Variants in PHGDH observed in about 807,000 individuals in gnomAD.
The protein encoded by PHGDH is phosphoglycerate dehydrogenase, also known as D-3-phosphoglycerate dehydrogenase.
PHGDH carries 50 observed loss-of-function variants against 52.6 expected under a neutral mutation model. That is an observed-to-expected ratio of 0.95 (90% CI 0.76 to 1.20). PHGDH has a LOEUF of 1.20. Ranked by LOEUF, PHGDH falls within the 50% of genes most tolerant of loss-of-function variation. The pLI is 0.00. For synonymous variants in PHGDH, 271 were observed against 280.5 expected (o/e 0.97, Z 0.34); for missense variants, 630 against 684.6 (o/e 0.92, Z 0.89).
chr1:119,735,934 G>A (rs1651914255), intron 7 of PHGDH, among the ~76,000 whole-genome samples: 1 of 152,154 alleles, frequency 6.6e-6, no homozygotes, highest in Non-Finnish European at 1.5e-5. Flanking sequence ...AGGGTCCTCG[G>A]GGTGGGCTGC....
intron 8 of PHGDH, chr1:119,739,858 G>A (rs72988686): frequency 0.018 from 2,959 of 163,186 alleles, 94 homozygotes; most frequent in African/African-American, 0.065. Flanking sequence ...ATGCCTCACA[G>A]TGGACTTCGC....
In PHGDH at chr1:119,712,081, G is replaced by A; in HGVS notation, c.59G>A (p.Arg20Gln). The change falls in exon 1 of 12, where the codon CGG (arginine) becomes CAG (glutamine). Residue 20 changes from arginine (R) to glutamine (Q), a missense_variant. Physicochemically the swap from Arg to Gln is conservative, Grantham distance 43. Transcript: ENST00000641023. ...AGTGACAGCCTGGACCCTTGCTGCC[G>A]GAAGATCTTGCAAGATGGAGGGCTG... ...LISDSLDPCCRKILQDGGLQV... is the reference protein window; with the variant it reads ...LISDSLDPCCQKILQDGGLQV... The A allele has an allele frequency of 1.2e-6, 2 of 1,614,048 alleles. No individual in the cohort carries two copies. Among genetic ancestry groups the A allele is most frequent in the Non-Finnish European group, 1.7e-6 (2 of 1,179,918 alleles).
At chr1:119,715,610 G>A (rs1249768761) in intron 1 of PHGDH, among the ~76,000 whole-genome samples, 1 of 152,196 alleles carries the variant, frequency 6.6e-6, no homozygotes, top group Admixed American at 6.5e-5. Flanking sequence ...GGGAAAGGAA[G>A]CATGTGTGAA....
intron 8 of PHGDH, among the ~76,000 whole-genome samples, chr1:119,738,674 C>T (rs1012806714): frequency 6.6e-6 from 1 of 152,228 alleles, no homozygotes. Flanking sequence ...TCTGCCTTCC[C>T]CATCGCAGCC....
At chr1:119,716,193 T>A (rs1470111712) in intron 1 of PHGDH, among the ~76,000 whole-genome samples, 1 of 152,148 alleles carries the variant, frequency 6.6e-6, no homozygotes, top group Non-Finnish European at 1.5e-5. Context: ...CTGGTTCTAA[T>A]GTGGGACCAA....
Position 119,744,100 on chromosome 1 carries a change from T to C in PHGDH, c.*60T>C. 1 of 1,495,160 alleles carries C rather than the reference T, an allele frequency of 6.7e-7. No individual in the cohort carries two copies. The highest frequency in any genetic ancestry group is 9.3e-7 in the Non-Finnish European group (1 of 1,071,896). The allele number at this position is 1,495,160 out of a possible 1,614,324, so 92.6% of individuals were successfully genotyped here. ...TTCTGAAGAAACCCACCCACTGTGATCAATAGGGAGAGAAAATCCACATTC... is the reference window on the plus strand; with the variant it reads ...TTCTGAAGAAACCCACCCACTGTGACCAATAGGGAGAGAAAATCCACATTC... On this transcript the variant is annotated 3_prime_UTR_variant, in exon 12 of 12. Coordinates refer to ENST00000641023, the MANE Select transcript of PHGDH (RefSeq NM_006623.4).
chr1:119,731,274 C>T (rs1004952538), intron 5 of PHGDH, among the ~76,000 whole-genome samples: 3 of 152,198 alleles, frequency 2.0e-5, no homozygotes, highest in South Asian at 2.1e-4. Context: ...CAGGTCTTAA[C>T]GCTCTATACT....
chr1:119,733,346 T>G (rs1191607126), intron 5 of PHGDH, among the ~76,000 whole-genome samples: 2 of 112,548 alleles, frequency 1.8e-5, no homozygotes, highest in African/African-American at 7.8e-5. Flanking sequence ...TTTGTTTTAT[T>G]TTTTTTTTTT....
intron 7 of PHGDH, among the ~76,000 whole-genome samples, chr1:119,735,950 C>T (rs1264786447): frequency 2.0e-5 from 3 of 152,176 alleles, no homozygotes; most frequent in Non-Finnish European, 4.4e-5. Context: ...GCTGCTTTCC[C>T]AGCTGGAGCA....
In PHGDH at chr1:119,742,941, C is replaced by A. The variant is rs1390869782; in HGVS notation, c.1344C>A (p.Leu448=). ...VQGTTPVLQG[L]NGAVFRPEVP... ...GCACTACGCCTGTACTGCAGGGGCT[C>A]AATGGAGCTGTCTTCAGGCCAGAAG... Residue 448 remains leucine, a synonymous_variant, in exon 11 of 12, where the codon CTC becomes CTA. Transcript: ENST00000641023. The A allele has an allele frequency of 1.2e-5, 19 of 1,614,006 alleles. No individual in the cohort carries two copies. The highest frequency in any genetic ancestry group is 1.4e-5 in the Non-Finnish European group (17 of 1,179,810).
intron 5 of PHGDH, among the ~76,000 whole-genome samples, chr1:119,728,700 C>T (rs1459054956): frequency 6.6e-6 from 1 of 152,142 alleles, no homozygotes. Flanking sequence ...CAGGGCTTCC[C>T]AGATAGGCCA....
intron 1 of PHGDH, 110 bp downstream of exon 1, chr1:119,712,270 C>A: frequency 3.2e-6 from 3 of 940,690 alleles, no homozygotes; most frequent in Non-Finnish European, 5.1e-6. Context: ...TCAATTAGTT[C>A]CGGGGCCTCC....
intron 7 of PHGDH, 91 bp from the exon 8 acceptor site, chr1:119,737,023 C>A: frequency 7.8e-7 from 1 of 1,284,516 alleles, no homozygotes; most frequent in Non-Finnish European, 1.1e-6. Context: ...CTCCTGACTG[C>A]CTTCCCTCCA....
chr1:119,731,907 T>A (rs1443457462), intron 5 of PHGDH, among the ~76,000 whole-genome samples: 1 of 152,192 alleles, frequency 6.6e-6, no homozygotes, highest in East Asian at 1.9e-4. Flanking sequence ...GAGCAGTGAT[T>A]CTCAAACTCA....
rs1210602772 is a variant in PHGDH at position 119,727,285 on chromosome 1, A to C, written c.510+183A>C. 4.7e-6 allele frequency: 3 copies of C among 633,402 alleles called. No homozygotes were observed. In the African/African-American group the frequency reaches 5.4e-5, roughly 12 times the overall value. 39.2% of individuals were successfully genotyped at this position (633,402 alleles called of 1,614,324 possible). On this transcript the variant is annotated intron_variant, in intron 5 of 11. Coordinates refer to ENST00000641023, the MANE Select transcript of PHGDH (RefSeq NM_006623.4). ...CACTGGCCTGCTGATCTGGACTCAAAAGCTGGAAATACTTGGTGGGGGTCC... is the reference window on the plus strand; with the variant it reads ...CACTGGCCTGCTGATCTGGACTCAACAGCTGGAAATACTTGGTGGGGGTCC...
chr1:119,723,600 A>G, intron 3 of PHGDH, 159 bp downstream of exon 3: 1 of 696,576 alleles, frequency 1.4e-6, no homozygotes, highest in Non-Finnish European at 2.6e-6. Flanking sequence ...CTTTAAGGCC[A>G]TCAGGTCCTC....
intron 5 of PHGDH, among the ~76,000 whole-genome samples, chr1:119,727,852 CA>C (rs999617304): frequency 2.0e-5 from 3 of 151,974 alleles, no homozygotes; most frequent in African/African-American, 7.3e-5. Context: ...GAAACAAAAA[CA>C]AAAACGAATG....
chr1:119,725,252 A>G (rs775679031), intron 3 of PHGDH, among the ~76,000 whole-genome samples: 30 of 152,184 alleles, frequency 2.0e-4, no homozygotes, highest in South Asian at 4.1e-4. Flanking sequence ...GAGGATTCCA[A>G]AGCATTGAAA....
At chr1:119,712,216 T>G (rs1483301985) in intron 1 of PHGDH, 56 bp downstream of exon 1, 4 of 1,528,152 alleles carry the variant, frequency 2.6e-6, no homozygotes, top group Non-Finnish European at 2.7e-6. Context: ...GGAAAAAGGC[T>G]GGCTGCGCCC....
Sources: gnomAD v4.1 joint callset for allele counts (sites outside exome capture counted in the v4.1 genomes callset) on GRCh38, gnomAD v4.1.1 for gene constraint, MANE v1.5 for transcripts, NCBI Gene and HGNC (gene_info 2026-07-23, HGNC 2026-07-21) for gene names.